The following TSPAN12 variants were observed in gnomAD, a reference collection of about 807,000 sequenced individuals.
TSPAN12 encodes tetraspanin 12.
TSPAN12 carries 19 observed loss-of-function variants against 39.2 expected under a neutral mutation model. The observed-to-expected ratio is 0.49, with a 90% confidence interval of 0.34 to 0.71. The LOEUF is 0.71. TSPAN12 is among the 30% of genes least tolerant of loss of function. TSPAN12 has a pLI of 0.01. For synonymous variants in TSPAN12, 119 were observed against 124.8 expected (o/e 0.95, Z 0.31); for missense variants, 314 against 359.9 (o/e 0.87, Z 1.03).
chr7:120,857,407 C>A, intron 1 of TSPAN12: 1 of 152,524 alleles, frequency 6.6e-6, no homozygotes, highest in South Asian at 1.8e-4. Context: ...GGGGGCAGCG[C>A]GGAGTTGAGA....
intron 2 of TSPAN12, among the ~76,000 whole-genome samples, chr7:120,850,730 C>A (rs930578185): frequency 2.0e-5 from 3 of 151,186 alleles, no homozygotes; most frequent in Admixed American, 1.3e-4. Context: ...CACTTTGTTG[C>A]CCAGACTGGA....
intron 2 of TSPAN12, among the ~76,000 whole-genome samples, chr7:120,855,562 A>AT (rs1794855265): frequency 1.3e-5 from 2 of 152,216 alleles, no homozygotes; most frequent in Non-Finnish European, 2.9e-5. Flanking sequence ...TCAACTTGTG[A>AT]TTTTACATTT....
chr7:120,789,698 C>T (rs896870123), intron 7 of TSPAN12, among the ~76,000 whole-genome samples: 8 of 152,156 alleles, frequency 5.3e-5, no homozygotes, highest in Non-Finnish European at 7.4e-5. Context: ...AAAGAGTCCT[C>T]GGTGGAATTT....
chr7:120,808,236 A>G (rs1322356499), intron 6 of TSPAN12, among the ~76,000 whole-genome samples: 1 of 152,138 alleles, frequency 6.6e-6, no homozygotes, highest in African/African-American at 2.4e-5. Flanking sequence ...TGACTTTCTC[A>G]AATATAAGTA....
chr7:120,845,220 A>G (rs1414461035), intron 2 of TSPAN12, among the ~76,000 whole-genome samples: 1 of 152,186 alleles, frequency 6.6e-6, no homozygotes, highest in African/African-American at 2.4e-5. Flanking sequence ...CCATGAAACC[A>G]TTCTTTCCTC....
intron 7 of TSPAN12, among the ~76,000 whole-genome samples, chr7:120,802,089 C>T (rs1418609979): frequency 6.6e-6 from 1 of 152,196 alleles, no homozygotes. Flanking sequence ...CACTGCACTT[C>T]AGTAACTGAT....
At chr7:120,825,170 A>C (rs967464746) in intron 4 of TSPAN12, among the ~76,000 whole-genome samples, 1 of 152,198 alleles carries the variant, frequency 6.6e-6, no homozygotes. Flanking sequence ...TTTGTGTGCA[A>C]GCAAGCAGAT....
intron 4 of TSPAN12, among the ~76,000 whole-genome samples, chr7:120,833,550 T>TTG (rs1260974111): frequency 6.6e-6 from 1 of 152,114 alleles, no homozygotes; most frequent in Non-Finnish European, 1.5e-5. Context: ...AATCAATAGT[T>TTG]ATATTCAAAG....
Position 120,844,063 on chromosome 7 carries a change from G to A in TSPAN12, c.67-3954C>T, listed in dbSNP as rs559967102. ...TCAATCATGGTGGGAGGGGAAGCAGGCACATCTTACATGGCCAGAGCAGGA... is the reference window on the plus strand; with the variant it reads ...TCAATCATGGTGGGAGGGGAAGCAGACACATCTTACATGGCCAGAGCAGGA... On this transcript the variant is annotated intron_variant, in intron 2 of 7. Transcript: ENST00000222747. Among the ~76,000 whole-genome samples, 14 of 152,252 alleles carry A rather than the reference G, an allele frequency of 9.2e-5. No homozygotes were observed. In the South Asian group the frequency reaches 2.5e-3, roughly 27 times the overall value.
At chr7:120,817,258 A>T (rs1028321749) in intron 4 of TSPAN12, among the ~76,000 whole-genome samples, 5 of 151,892 alleles carry the variant, frequency 3.3e-5, no homozygotes, top group African/African-American at 1.2e-4. Context: ...GCATGGTGGT[A>T]TGTGTTTGTA....
At chr7:120,825,366 A>G (rs1258881693) in intron 4 of TSPAN12, among the ~76,000 whole-genome samples, 2 of 152,338 alleles carry the variant, frequency 1.3e-5, no homozygotes, top group East Asian at 1.9e-4. Flanking sequence ...AGATTTGCTT[A>G]TCTTGTAAAA....
At chr7:120,835,191 A>G (rs1200805676) in intron 4 of TSPAN12, among the ~76,000 whole-genome samples, 1 of 152,190 alleles carries the variant, frequency 6.6e-6, no homozygotes, top group Non-Finnish European at 1.5e-5. Flanking sequence ...TAAGAGAAAT[A>G]CACTAGGCTT....
intron 5 of TSPAN12, among the ~76,000 whole-genome samples, chr7:120,811,686 A>G (rs1346512858): frequency 6.6e-6 from 1 of 151,944 alleles, no homozygotes; most frequent in Non-Finnish European, 1.5e-5. Flanking sequence ...AAAAAAAAGA[A>G]AAGAAAATAT....
chr7:120,821,465 G>C (rs1794186920), intron 4 of TSPAN12, among the ~76,000 whole-genome samples: 1 of 151,492 alleles, frequency 6.6e-6, no homozygotes, highest in African/African-American at 2.4e-5. Context: ...GAAGAACATA[G>C]GCTTTGAAAT....
intron 5 of TSPAN12, chr7:120,814,396 T>C (rs1165053970): frequency 2.6e-6 from 1 of 391,252 alleles, no homozygotes; most frequent in Non-Finnish European, 5.1e-6. Flanking sequence ...ATTGAGCACA[T>C]CTGGGCTGGA....
chr7:120,825,849 C>G (rs1390793180), intron 4 of TSPAN12, among the ~76,000 whole-genome samples: 5 of 152,166 alleles, frequency 3.3e-5, no homozygotes, highest in Admixed American at 6.5e-5. Flanking sequence ...CTATAGCAGA[C>G]ACACACTTGG....
At chr7:120,812,122 C>T (rs1793994789) in intron 5 of TSPAN12, among the ~76,000 whole-genome samples, 1 of 152,168 alleles carries the variant, frequency 6.6e-6, no homozygotes, top group Non-Finnish European at 1.5e-5. Flanking sequence ...CTTCTATTCT[C>T]CAATCACCTA....
chr7:120,809,141 T>A lies in TSPAN12; in HGVS notation c.468+1322A>T, dbSNP rs145390095. Among the ~76,000 whole-genome samples the A allele has an allele frequency of 5.6e-3, 845 of 152,142 alleles. 11 individuals carry two copies. The highest frequency in any genetic ancestry group is 0.019 in the African/African-American group (801 of 41,520). On this transcript the variant is annotated intron_variant, in intron 6 of 7. Coordinates refer to ENST00000222747, the MANE Select transcript of TSPAN12 (RefSeq NM_012338.4). ...CCATTTACATAAAATAGTCTTATGA[T>A]AATGGAGGAGGAAACTTACCATGTA...
At chr7:120,817,810 G>A (rs538027669) in intron 4 of TSPAN12, among the ~76,000 whole-genome samples, 1 of 152,192 alleles carries the variant, frequency 6.6e-6, no homozygotes, top group South Asian at 2.1e-4. Context: ...GGGAGGTCAG[G>A]GTGGGAGTAC....
Sources: allele counts gnomAD v4.1 joint callset (sites outside exome capture counted in the v4.1 genomes callset), GRCh38; gene constraint gnomAD v4.1.1; transcripts MANE v1.5; gene names NCBI Gene and HGNC (gene_info 2026-07-23, HGNC 2026-07-21).